CHODL: variants seen among roughly 807,000 people sequenced by gnomAD.
CHODL encodes chondrolectin, also known as transmembrane protein MT75.
Under a neutral mutation model 34.5 loss-of-function variants are expected in CHODL, and 29 were observed. The ratio of observed to expected loss-of-function variants is 0.84; its 90% CI spans 0.63 to 1.15. The LOEUF (loss-of-function observed/expected upper bound fraction) is 1.15, where lower values mean the gene tolerates loss of function less well. Among genes scored for constraint, CHODL ranks in the 50% most tolerant of loss-of-function variants. The pLI, the probability that CHODL is intolerant of heterozygous loss-of-function variation, is 0.00. For missense variants in CHODL, 332 were observed against 332.5 expected (o/e 1.00, Z 0.01); for synonymous variants, 125 against 116.1 (o/e 1.08, Z -0.49).
chr21:18,260,247 C>G lies in CHODL; in HGVS notation c.595C>G (p.Pro199Ala). 1 of 1,582,190 alleles carries G rather than the reference C, an allele frequency of 6.3e-7. No homozygotes were observed. Among genetic ancestry groups the G allele is most frequent in the Non-Finnish European group, 8.6e-7 (1 of 1,167,266 alleles). ...PVEKPYLTNQ[P>A]GDTHQNVVVT... ...AGAAAAGCCTTATCTTACAAATCAACCAGGAGACACCCATCAGAATGTGGT... is the reference window on the plus strand; with the variant it reads ...AGAAAAGCCTTATCTTACAAATCAAGCAGGAGACACCCATCAGAATGTGGT... Residue 199 changes from proline (P) to alanine (A), a missense_variant, in exon 4 of 6, where the codon CCA becomes GCA. Physicochemically the swap from Pro to Ala is conservative, Grantham distance 27. Coordinates refer to ENST00000299295, the MANE Select transcript of CHODL (RefSeq NM_024944.3).
chr21:18,199,915 A>G (rs573429492), intron 2 of CHODL, among the ~76,000 whole-genome samples: 1 of 152,308 alleles, frequency 6.6e-6, no homozygotes, highest in African/African-American at 2.4e-5. Context: ...GTAATCAATC[A>G]TTCATACACA....
chr21:18,147,688 C>T lies in CHODL; in HGVS notation c.-44-108821C>T, dbSNP rs78224678. ...AGGCATCTGGTCTCTGTCACTTCTA[C>T]TCAACTCTGCTGTTACAGTGTGGAA... is the stretch of plus-strand genomic sequence containing the variant. On this transcript the variant is annotated intron_variant, in intron 2 of 6. Transcript: ENST00000400127. Among the ~76,000 whole-genome samples, 920 of 152,310 alleles carry T rather than the reference C, an allele frequency of 6.0e-3. 9 individuals are homozygous for T. Among genetic ancestry groups the T allele is most frequent in the African/African-American group, 0.021 (877 of 41,558 alleles).
chr21:18,031,586 T>C (rs1344669459), intron 2 of CHODL, among the ~76,000 whole-genome samples: 1 of 152,086 alleles, frequency 6.6e-6, no homozygotes, highest in Non-Finnish European at 1.5e-5. Context: ...GAAAGGGGCT[T>C]TGGAGATTGT....
intron 2 of CHODL, among the ~76,000 whole-genome samples, chr21:18,036,428 C>T (rs1159624666): frequency 6.6e-6 from 1 of 151,976 alleles, no homozygotes; most frequent in Non-Finnish European, 1.5e-5. Context: ...ACTGTACGCT[C>T]TGGCACTCTG....
intron 2 of CHODL, among the ~76,000 whole-genome samples, chr21:18,132,203 T>C (rs2072664218): frequency 6.6e-6 from 1 of 152,130 alleles, no homozygotes; most frequent in Admixed American, 6.6e-5. Flanking sequence ...TGAGTTCATT[T>C]TATTATCTCT....
intron 1 of CHODL, among the ~76,000 whole-genome samples, chr21:17,968,550 CT>C (rs921867930): frequency 1.3e-5 from 2 of 152,034 alleles, no homozygotes; most frequent in South Asian, 2.1e-4. Flanking sequence ...CTAATGGTTT[CT>C]TTTTTTTCAG....
chr21:18,114,330 G>A (rs2065386526), intron 2 of CHODL, among the ~76,000 whole-genome samples: 1 of 151,962 alleles, frequency 6.6e-6, no homozygotes, highest in South Asian at 2.1e-4. Flanking sequence ...TTGAGGGGAT[G>A]GATACCCCAT....
chr21:18,123,525 C>T (rs1250521242), intron 2 of CHODL, among the ~76,000 whole-genome samples: 3 of 152,046 alleles, frequency 2.0e-5, no homozygotes, highest in East Asian at 1.9e-4. Flanking sequence ...AAGAGCATGG[C>T]CCTAGAATCT....
In CHODL at chr21:18,200,119, T is replaced by C. The variant is rs1177858201; in HGVS notation, c.-44-56390T>C. Among the ~76,000 whole-genome samples the C allele has an allele frequency of 3.3e-5, 5 of 152,108 alleles. 1 individual carries two copies. Among genetic ancestry groups the C allele is most frequent in the Non-Finnish European group, 7.4e-5 (5 of 68,000 alleles). ...TTCTGCATTCTTGCAGCATTTGATA[T>C]TGTAATTTTTTTTTTATTTCAGCCA... On this transcript the variant is annotated intron_variant, in intron 2 of 6. Coordinates refer to the CHODL transcript ENST00000400127.
intron 5 of CHODL, among the ~76,000 whole-genome samples, chr21:18,264,898 G>A (rs1374578157): frequency 6.6e-6 from 1 of 152,032 alleles, no homozygotes; most frequent in Non-Finnish European, 1.5e-5. Flanking sequence ...TGACTTAGGT[G>A]CAGAGCCGGA....
intron 3 of CHODL, among the ~76,000 whole-genome samples, chr21:18,259,096 CTG>C (rs1265706548): frequency 1.3e-5 from 2 of 152,136 alleles, no homozygotes; most frequent in African/African-American, 2.4e-5. Flanking sequence ...AAGGGGGACT[CTG>C]TGACATTTTA....
At chr21:18,055,405 A>C (rs1033326782) in intron 2 of CHODL, among the ~76,000 whole-genome samples, 1 of 151,918 alleles carries the variant, frequency 6.6e-6, no homozygotes, top group African/African-American at 2.4e-5. Context: ...AGTTTTGAAA[A>C]CTGAGTAGCA....
intron 2 of CHODL, among the ~76,000 whole-genome samples, chr21:18,182,160 C>T (rs2073389529): frequency 6.6e-6 from 1 of 152,042 alleles, no homozygotes; most frequent in Non-Finnish European, 1.5e-5. Context: ...GAGAGTACTA[C>T]TTTACCCTCC....
intron 2 of CHODL, among the ~76,000 whole-genome samples, chr21:18,061,619 A>T (rs943542460): frequency 6.6e-6 from 1 of 152,220 alleles, no homozygotes; most frequent in Non-Finnish European, 1.5e-5. Context: ...GACTATAATG[A>T]TATCTTTAGC....
intron 2 of CHODL, among the ~76,000 whole-genome samples, chr21:18,146,340 T>C (rs1373558489): frequency 6.6e-6 from 1 of 152,106 alleles, no homozygotes; most frequent in Non-Finnish European, 1.5e-5. Context: ...GTTTAGCTTG[T>C]GTTTCCACCC....
intron 2 of CHODL, among the ~76,000 whole-genome samples, chr21:18,136,576 A>C (rs2072731714): frequency 1.3e-5 from 2 of 151,768 alleles, no homozygotes; most frequent in Admixed American, 1.3e-4. Context: ...ATTTGGTACA[A>C]ATTACATTTT....
chr21:17,934,246 AC>A (rs1013533499), intron 1 of CHODL, among the ~76,000 whole-genome samples: 13 of 151,286 alleles, frequency 8.6e-5, no homozygotes, highest in African/African-American at 2.9e-4. Flanking sequence ...AAAAAAAAAA[AC>A]ACATTCTCAA....
intron 2 of CHODL, among the ~76,000 whole-genome samples, chr21:18,100,800 A>G (rs2065203760): frequency 6.6e-6 from 1 of 152,160 alleles, no homozygotes; most frequent in South Asian, 2.1e-4. Flanking sequence ...CATTCAAATG[A>G]TCTGTGAGAG....
At position 18,254,767 on chromosome 21, in the gene CHODL, C is replaced by T. The variant is rs368939776; in HGVS notation, c.80-1742C>T. On this transcript the variant is annotated intron_variant, in intron 1 of 5. Transcript: ENST00000299295. ...ATATATATGTAAATATAAATATATA[C>T]GACTTTATTATGACCTGATATGCAT... Among the ~76,000 whole-genome samples, 40 of 152,062 alleles carry T rather than the reference C, an allele frequency of 2.6e-4. 1 individual carries two copies. In the East Asian group the frequency reaches 2.9e-3, roughly 11 times the overall value.
Sources: gnomAD v4.1 joint callset for allele counts (sites outside exome capture counted in the v4.1 genomes callset) on GRCh38, gnomAD v4.1.1 for gene constraint, MANE v1.5 for transcripts, NCBI Gene and HGNC (gene_info 2026-07-23, HGNC 2026-07-21) for gene names.